NR3C1: variants seen among roughly 807,000 people sequenced by gnomAD.
The protein encoded by NR3C1 is nuclear receptor subfamily 3 group C member 1, also known as glucocorticoid receptor.
Under a neutral mutation model 74.0 loss-of-function variants are expected in NR3C1, and 14 were observed. The observed-to-expected ratio is 0.19, with a 90% CI of 0.12 to 0.30. The LOEUF is 0.30. Ranked by LOEUF, NR3C1 falls within the 10% of genes least tolerant of loss-of-function variation. The pLI, the probability that NR3C1 is intolerant of heterozygous loss-of-function variation, is 1.00. For synonymous variants in NR3C1, 308 were observed against 332.5 expected (o/e 0.93, Z 0.80); for missense variants, 695 against 909.8 (o/e 0.76, Z 3.04).
At position 143,401,302 on chromosome 5, in the gene NR3C1, A is replaced by G. The variant is rs976333761; in HGVS notation, c.-13-450T>C. ...TTTGCTTTTCTGAGAACCAATACAT[A>G]TAACATTTGATAAATACTATGCTAG... On this transcript the variant is annotated intron_variant, in intron 1 of 8. Coordinates refer to ENST00000394464, the MANE Select transcript of NR3C1 (RefSeq NM_000176.3). The G allele has an allele frequency of 1.4e-5, 3 of 207,232 alleles. No homozygotes were observed. The South Asian group carries it at 2.3e-4, about 16-fold the overall frequency. The allele number at this position is 207,232 out of a possible 1,614,324, so 12.8% of individuals were successfully genotyped here. A position where few individuals can be genotyped will look rare whatever the true frequency, so the allele number is the denominator to read the frequency against.
At chr5:143,380,162 C>T (rs1252069026) in intron 2 of NR3C1, among the ~76,000 whole-genome samples, 3 of 152,054 alleles carry the variant, frequency 2.0e-5, no homozygotes, top group African/African-American at 7.2e-5. Flanking sequence ...TAAAAGAGGG[C>T]CCCGATATGC....
At chr5:143,426,015 G>A (rs982253715) in intron 1 of NR3C1, among the ~76,000 whole-genome samples, 28 of 152,126 alleles carry the variant, frequency 1.8e-4, no homozygotes, top group African/African-American at 6.5e-4. Context: ...TAGATTCAGA[G>A]GACAAAATGT....
chr5:143,401,103 A>AACT (rs1451889028), intron 1 of NR3C1, among the ~76,000 whole-genome samples: 2 of 152,204 alleles, frequency 1.3e-5, no homozygotes, highest in Non-Finnish European at 2.9e-5. Flanking sequence ...AAGTGTATCG[A>AACT]ACTAAGCTTG....
At chr5:143,407,283 C>T (rs1484028586), upstream of NR3C1, 3 of 152,134 alleles carry the variant, frequency 2.0e-5, no homozygotes, top group Non-Finnish European at 4.4e-5. Flanking sequence ...ATCACTTTTA[C>T]TGGGTTATTG....
intron 2 of NR3C1, among the ~76,000 whole-genome samples, chr5:143,356,319 T>C (rs1349819338): frequency 6.6e-6 from 1 of 152,078 alleles, no homozygotes; most frequent in Non-Finnish European, 1.5e-5. Context: ...TAACCAATTT[T>C]TAGCATAAAG....
chr5:143,346,229 G>A (rs1829262414), intron 2 of NR3C1, among the ~76,000 whole-genome samples: 1 of 152,154 alleles, frequency 6.6e-6, no homozygotes, highest in Non-Finnish European at 1.5e-5. Flanking sequence ...GTCAACCCAG[G>A]GGCTGTGTCA....
intron 2 of NR3C1, among the ~76,000 whole-genome samples, chr5:143,334,808 CTTAG>C (rs1244570478): frequency 2.6e-5 from 4 of 151,944 alleles, no homozygotes; most frequent in South Asian, 2.1e-4. Flanking sequence ...AGTAAGTTTT[CTTAG>C]TTAGCCTGAG....
At chr5:143,330,782 A>T (rs1825785961) in intron 2 of NR3C1, among the ~76,000 whole-genome samples, 1 of 152,218 alleles carries the variant, frequency 6.6e-6, no homozygotes, top group Admixed American at 6.5e-5. Flanking sequence ...CAACAAAATC[A>T]TCCCTGAAAA....
rs187746376 is a variant in NR3C1 at position 143,357,757 on chromosome 5, C to T, written c.1184+41899G>A. On this transcript the variant is annotated intron_variant, in intron 2 of 8. Coordinates refer to ENST00000394464, the MANE Select transcript of NR3C1 (RefSeq NM_000176.3). ...TCTGTGCAAACATTTTAGTTGTCTT[C>T]ACTGAAAAATACATATCTTCATAAC... Among the ~76,000 whole-genome samples, 243 of 152,332 alleles carry T rather than the reference C, an allele frequency of 1.6e-3. 3 individuals carry two copies. Among genetic ancestry groups the T allele is most frequent in the African/African-American group, 5.7e-3 (236 of 41,572 alleles).
chr5:143,336,482 A>C (rs1827142099), intron 2 of NR3C1, among the ~76,000 whole-genome samples: 1 of 152,122 alleles, frequency 6.6e-6, no homozygotes, highest in Non-Finnish European at 1.5e-5. Flanking sequence ...GAAAGCTAAG[A>C]AGCAACCTAA....
chr5:143,403,099 CGA>C, intron 1 of NR3C1, 110 bp downstream of exon 1: 327 of 920,878 alleles, frequency 3.6e-4, no homozygotes, highest in Middle Eastern at 5.5e-4. Context: ...CCCCACTCCC[CGA>C]GGCTAATAAA....
chr5:143,416,998 A>AAG (rs764799611), intron 1 of NR3C1, among the ~76,000 whole-genome samples: 1 of 151,524 alleles, frequency 6.6e-6, no homozygotes, highest in Non-Finnish European at 1.5e-5. Context: ...TGTGTTTAAA[A>AAG]AGAGAGAGAG....
chr5:143,423,494 C>G (rs1751345121), intron 1 of NR3C1, among the ~76,000 whole-genome samples: 1 of 152,098 alleles, frequency 6.6e-6, no homozygotes, highest in African/African-American at 2.4e-5. Context: ...CCCTCATACA[C>G]TGTTGGTGGG....
intron 7 of NR3C1, among the ~76,000 whole-genome samples, chr5:143,290,173 G>C (rs1006608458): frequency 6.6e-6 from 1 of 152,164 alleles, no homozygotes; most frequent in Non-Finnish European, 1.5e-5. Context: ...CATCTATTTT[G>C]CTTGGTAATA....
At chr5:143,332,506 G>A (rs1242043314) in intron 2 of NR3C1, 1 of 594,180 alleles carries the variant, frequency 1.7e-6, no homozygotes, top group African/African-American at 1.9e-5. Context: ...ATGGCCACAT[G>A]TTTACCTATG....
chr5:143,389,444 G>A (rs1837855989), intron 2 of NR3C1, among the ~76,000 whole-genome samples: 1 of 152,114 alleles, frequency 6.6e-6, no homozygotes, highest in Non-Finnish European at 1.5e-5. Context: ...GAGAAACACT[G>A]AGGCATACAA....
chr5:143,409,290 G>A (rs1379249119), intron 1 of NR3C1: 1 of 152,164 alleles, frequency 6.6e-6, no homozygotes, highest in Non-Finnish European at 1.5e-5. Flanking sequence ...GTCTCCTGTT[G>A]TTTATCACAT....
At chr5:143,411,419 C>T (rs764518656) in intron 1 of NR3C1, among the ~76,000 whole-genome samples, 11 of 152,112 alleles carry the variant, frequency 7.2e-5, no homozygotes, top group Admixed American at 2.0e-4. Context: ...AGTTTAGTTC[C>T]AACATCCATT....
At chr5:143,348,962 G>T (rs1303410972) in intron 2 of NR3C1, among the ~76,000 whole-genome samples, 2 of 152,042 alleles carry the variant, frequency 1.3e-5, no homozygotes, top group Non-Finnish European at 2.9e-5. Context: ...CTCCATGCAT[G>T]CCAACCTGGT....
Sources: gnomAD v4.1 joint callset for allele counts (sites outside exome capture counted in the v4.1 genomes callset) on GRCh38, gnomAD v4.1.1 for gene constraint, MANE v1.5 for transcripts, NCBI Gene and HGNC (gene_info 2026-07-23, HGNC 2026-07-21) for gene names.